CBFA2T3: variants seen among roughly 807,000 people sequenced by gnomAD.
The protein encoded by CBFA2T3 is CBFA2/RUNX1 partner transcriptional co-repressor 3, also known as transcriptional corepressor CBFA2T3.
A neutral mutation model predicts 58.6 loss-of-function variants in CBFA2T3; 31 were observed. That is an observed-to-expected ratio of 0.53 (90% CI 0.40 to 0.71). CBFA2T3 has a LOEUF of 0.71. CBFA2T3 is among the 30% of genes least tolerant of loss of function. The pLI is 0.00. For missense variants in CBFA2T3, 1,076 were observed against 963.1 expected (o/e 1.12, Z -1.55); for synonymous variants, 531 against 421.9 (o/e 1.26, Z -3.17).
chr16:88,932,552 G>C (rs1469722009), intron 1 of CBFA2T3, among the ~76,000 whole-genome samples: 1 of 151,932 alleles, frequency 6.6e-6, no homozygotes, highest in African/African-American at 2.4e-5. Context: ...TAGGCTGAAG[G>C]GGGAGGATCG....
intron 1 of CBFA2T3, among the ~76,000 whole-genome samples, chr16:88,956,893 C>T (rs1302569948): frequency 1.3e-5 from 2 of 152,234 alleles, no homozygotes; most frequent in African/African-American, 4.8e-5. Flanking sequence ...TCTCAGCTGC[C>T]TGGCACCCTC....
At chr16:88,896,627 C>T (rs28673153) in intron 3 of CBFA2T3, among the ~76,000 whole-genome samples, 9,299 of 152,260 alleles carry the variant, frequency 0.061, 952 homozygotes, top group African/African-American at 0.21. Flanking sequence ...TAGCCACTTG[C>T]GGTCACCCAG....
At chr16:88,923,973 G>A (rs1008526535) in intron 1 of CBFA2T3, among the ~76,000 whole-genome samples, 5 of 152,206 alleles carry the variant, frequency 3.3e-5, no homozygotes, top group Non-Finnish European at 7.4e-5. Context: ...CTCATGCTGA[G>A]GGTGCACAGC....
chr16:88,968,500 C>A (rs1972570322), intron 1 of CBFA2T3, among the ~76,000 whole-genome samples: 1 of 152,238 alleles, frequency 6.6e-6, no homozygotes, highest in South Asian at 2.1e-4. Flanking sequence ...GTGGGAGAAG[C>A]CCCTGGGGGC....
chr16:88,927,282 C>T lies in CBFA2T3; in HGVS notation c.152-25626G>A, dbSNP rs149608501. Among the ~76,000 whole-genome samples, 531 of 152,304 alleles carry T rather than the reference C, an allele frequency of 3.5e-3. 2 individuals are homozygous for T. The highest frequency in any genetic ancestry group is 0.017 in the Middle Eastern group (5 of 294). On this transcript the variant is annotated intron_variant, in intron 1 of 11. Transcript: ENST00000268679. ...GACAAGCCGGGTCCCGCCCTGCCCT[C>T]GGGTGCATGGACTTCCCCAGGCAGC...
At chr16:88,937,296 C>A (rs529215720) in intron 1 of CBFA2T3, 13 of 152,336 alleles carry the variant, frequency 8.5e-5, no homozygotes, top group African/African-American at 3.1e-4. Flanking sequence ...GCGTGGTGTC[C>A]ACCCAACCTG....
chr16:88,964,076 C>T (rs968857419), intron 1 of CBFA2T3, among the ~76,000 whole-genome samples: 12 of 152,210 alleles, frequency 7.9e-5, no homozygotes, highest in South Asian at 2.1e-4. Context: ...TAAAGGGCCA[C>T]GCACACAAGA....
chr16:88,922,395 G>A (rs1005844179), intron 1 of CBFA2T3, among the ~76,000 whole-genome samples: 2 of 152,262 alleles, frequency 1.3e-5, no homozygotes, highest in African/African-American at 4.8e-5. Context: ...AGGGGGCCGA[G>A]GGCTTCGGTG....
At chr16:88,917,821 C>T (rs572353127) in intron 1 of CBFA2T3, among the ~76,000 whole-genome samples, 2 of 152,128 alleles carry the variant, frequency 1.3e-5, no homozygotes, top group African/African-American at 4.8e-5. Flanking sequence ...CGAGAGTGTG[C>T]GTGAAGACGA....
At chr16:88,881,630 G>A (rs1969086787) in intron 8 of CBFA2T3, 141 bp from the exon 9 acceptor site, 3 of 802,596 alleles carry the variant, frequency 3.7e-6, no homozygotes, top group East Asian at 5.5e-5. Context: ...GGTGAGGGAG[G>A]GCCCACCTCC....
At chr16:88,932,679 G>A (rs1170148531) in intron 1 of CBFA2T3, among the ~76,000 whole-genome samples, 2 of 151,218 alleles carry the variant, frequency 1.3e-5, no homozygotes, top group African/African-American at 2.4e-5. Flanking sequence ...AGGGCGCGGT[G>A]GTTCACGCCT....
At chr16:88,917,234 A>G (rs1970767458) in intron 1 of CBFA2T3, among the ~76,000 whole-genome samples, 2 of 152,194 alleles carry the variant, frequency 1.3e-5, no homozygotes, top group African/African-American at 4.8e-5. Context: ...TGTGGAGCAG[A>G]AAGTCCCACA....
At chr16:88,911,176 A>C (rs1005471411) in intron 1 of CBFA2T3, among the ~76,000 whole-genome samples, 6 of 152,088 alleles carry the variant, frequency 3.9e-5, no homozygotes, top group Non-Finnish European at 7.4e-5. Context: ...CTCTGGCCCC[A>C]CTCACTCACT....
At chr16:88,882,433 G>A in intron 8 of CBFA2T3, among the ~76,000 whole-genome samples, 1 of 151,844 alleles carries the variant, frequency 6.6e-6, no homozygotes, top group South Asian at 2.1e-4. Context: ...GGCTGTGTGT[G>A]GGTGTGGCTG....
chr16:88,876,867 C>T lies in CBFA2T3; in HGVS notation c.*109G>A, dbSNP rs1454279678. Reference sequence around the variant, plus strand: ...GTCGGCTCCCCCAGGTCAGGCGGGGCGCAGTGTCTGGCAGGCCAGGCATCG... The same window carrying T: ...GTCGGCTCCCCCAGGTCAGGCGGGGTGCAGTGTCTGGCAGGCCAGGCATCG... On this transcript the variant is annotated 3_prime_UTR_variant, in exon 12 of 12. Coordinates refer to ENST00000268679, the MANE Select transcript of CBFA2T3 (RefSeq NM_005187.6). 5.8e-6 allele frequency: 5 copies of T among 862,084 alleles called. No individual in the cohort carries two copies. Among genetic ancestry groups the T allele is most frequent in the East Asian group, 6.4e-5 (2 of 31,212 alleles). 53.4% of individuals were successfully genotyped at this position (862,084 alleles called of 1,614,324 possible). A position where few individuals can be genotyped will look rare whatever the true frequency, so the allele number is the denominator to read the frequency against.
At chr16:88,938,165 G>T (rs1971570665) in intron 1 of CBFA2T3, 1 of 152,304 alleles carries the variant, frequency 6.6e-6, no homozygotes, top group African/African-American at 2.4e-5. Flanking sequence ...ACCCCAGATG[G>T]GCCCCAGGGC....
At chr16:88,889,650 G>A (rs1053266963) in intron 5 of CBFA2T3, among the ~76,000 whole-genome samples, 3 of 152,150 alleles carry the variant, frequency 2.0e-5, no homozygotes, top group South Asian at 4.1e-4. Flanking sequence ...CTTGACAGAG[G>A]CCAACAGGTC....
chr16:88,933,741 G>A (rs1452793735), intron 1 of CBFA2T3, among the ~76,000 whole-genome samples: 1 of 147,128 alleles, frequency 6.8e-6, no homozygotes, highest in South Asian at 2.2e-4. Flanking sequence ...CACGTCACGT[G>A]CCTCTATACG....
intron 3 of CBFA2T3, among the ~76,000 whole-genome samples, chr16:88,895,755 A>G (rs1053543409): frequency 6.6e-6 from 1 of 152,160 alleles, no homozygotes; most frequent in Non-Finnish European, 1.5e-5. Context: ...AGAGGCCCTC[A>G]GACACACCAG....
Sources: allele counts gnomAD v4.1 joint callset (sites outside exome capture counted in the v4.1 genomes callset), GRCh38; gene constraint gnomAD v4.1.1; transcripts MANE v1.5; gene names NCBI Gene and HGNC (gene_info 2026-07-23, HGNC 2026-07-21).